SLC25A30: variants seen among roughly 807,000 people sequenced by gnomAD.
SLC25A30 encodes solute carrier family 25 member 30.
Under a neutral mutation model 42.7 loss-of-function variants are expected in SLC25A30, and 29 were observed. The observed-to-expected ratio is 0.68, with a 90% CI of 0.51 to 0.93. SLC25A30 has a LOEUF of 0.93. Ranked by LOEUF, SLC25A30 falls within the 40% of genes least tolerant of loss-of-function variation. The pLI, the probability that SLC25A30 is intolerant of heterozygous loss-of-function variation, is 0.00. For missense variants in SLC25A30, 300 were observed against 359.7 expected (o/e 0.83, Z 1.34); for synonymous variants, 124 against 131.0 (o/e 0.95, Z 0.37).
chr13:45,430,830 T>C, the SLC25A30 span, among the ~76,000 whole-genome samples: 1 of 152,128 alleles, frequency 6.6e-6, no homozygotes, highest in East Asian at 1.9e-4. Flanking sequence ...TTTTTTAAAA[T>C]TTAGTTTTAT....
intron 3 of SLC25A30, 96 bp from the exon 4 acceptor site, chr13:45,406,073 A>G: frequency 9.2e-7 from 1 of 1,088,780 alleles, no homozygotes; most frequent in East Asian, 2.5e-5. Context: ...TAATCAAACT[A>G]CATTCTCTAA....
chr13:45,423,057 C>T (rs1215884363), upstream of SLC25A30, among the ~76,000 whole-genome samples: 2 of 152,062 alleles, frequency 1.3e-5, no homozygotes. Flanking sequence ...AAACAGTAAG[C>T]TCGTTGGGGT....
chr13:45,426,055 T>G, the SLC25A30 span, among the ~76,000 whole-genome samples: 1 of 148,026 alleles, frequency 6.8e-6, no homozygotes, highest in African/African-American at 2.5e-5. Flanking sequence ...ATATATACAT[T>G]TTAAATATAT....
chr13:45,431,984 TC>T, the SLC25A30 span, among the ~76,000 whole-genome samples: 1 of 152,008 alleles, frequency 6.6e-6, no homozygotes, highest in East Asian at 1.9e-4. Flanking sequence ...AAAATACATC[TC>T]AGGGCCGGGT....
At chr13:45,396,059 C>G in intron 9 of SLC25A30, 44 bp from the exon 10 acceptor site, 1 of 1,614,176 alleles carries the variant, frequency 6.2e-7, no homozygotes, top group South Asian at 1.1e-5. Flanking sequence ...GCCATCTTCA[C>G]AACTCCAGTG....
chr13:45,402,367 G>A lies in SLC25A30; in HGVS notation c.397C>T (p.Arg133Trp), dbSNP rs900441795. ...IANPTDVLKI[R>W]MQAQSNTIQG... ...ATGGTGTTGCTTTGCGCTTGCATCC[G>A]AATCTAGAGATTATTTTAAAGACCA... The change falls in exon 6 of 10, where the codon CGG (arginine) becomes TGG (tryptophan). Residue 133 changes from arginine (R) to tryptophan (W), a missense_variant. By Grantham distance (101) the Arg-to-Trp change is moderately radical (BLOSUM62 -3). Transcript: ENST00000519676. 1.5e-5 allele frequency: 24 copies of A among 1,612,708 alleles called. No homozygotes were observed. Among genetic ancestry groups the A allele is most frequent in the Admixed American group, 5.0e-5 (3 of 59,964 alleles).
At chr13:45,415,643 C>T (rs1013210414) in intron 1 of SLC25A30, among the ~76,000 whole-genome samples, 4 of 150,004 alleles carry the variant, frequency 2.7e-5, no homozygotes, top group Non-Finnish European at 5.9e-5. Context: ...CCCAGTTACT[C>T]GGGACGCTGA....
At chr13:45,424,624 T>TAGAA in the SLC25A30 span, among the ~76,000 whole-genome samples, 68 of 74,254 alleles carry the variant, frequency 9.2e-4, 1 homozygote, top group Non-Finnish European at 1.0e-3. Context: ...TATAAATATA[T>TAGAA]ATAAATATGT....
At chr13:45,414,516 C>T (rs753348259) in intron 1 of SLC25A30, among the ~76,000 whole-genome samples, 2 of 151,992 alleles carry the variant, frequency 1.3e-5, no homozygotes, top group African/African-American at 4.8e-5. Context: ...ACTCAGGAGG[C>T]GGAGGCAGAA....
upstream of SLC25A30, among the ~76,000 whole-genome samples, chr13:45,423,396 A>T (rs1171335532): frequency 6.7e-6 from 1 of 149,010 alleles, no homozygotes; most frequent in Non-Finnish European, 1.5e-5. Flanking sequence ...TACTCTCTGC[A>T]TTTACTTATT....
intron 5 of SLC25A30, 33 bp from the exon 6 acceptor site, chr13:45,402,403 G>C (rs1219391756): frequency 6.4e-7 from 1 of 1,559,572 alleles, no homozygotes; most frequent in South Asian, 1.1e-5. Flanking sequence ...ACATCAGAAA[G>C]AAACTACCAC....
At chr13:45,411,511 G>T in intron 1 of SLC25A30, 31 bp from the exon 2 acceptor site, 3 of 1,372,488 alleles carry the variant, frequency 2.2e-6, no homozygotes, top group Non-Finnish European at 3.1e-6. Flanking sequence ...TTATCAAGCT[G>T]TAACTTCTCA....
the SLC25A30 span, among the ~76,000 whole-genome samples, chr13:45,425,229 A>T: frequency 9.6e-6 from 1 of 103,660 alleles, no homozygotes; most frequent in Non-Finnish European, 1.7e-5. Flanking sequence ...TATGTATATA[A>T]ATATTTATAC....
Position 45,402,189 on chromosome 13 carries a change from G to C in SLC25A30, c.489+86C>G, listed in dbSNP as rs973693674. ...CTTCCCTTACTCCATTACGACACTT[G>C]GATTAAAATTAAGTGATAGAACAAG... On this transcript the variant is annotated intron_variant, in intron 6 of 9. Coordinates refer to ENST00000519676, the MANE Select transcript of SLC25A30 (RefSeq NM_001010875.4). 9.9e-6 allele frequency: 10 copies of C among 1,010,638 alleles called. No homozygotes were observed. In the East Asian group the frequency reaches 2.4e-4, roughly 25 times the overall value. The allele number at this position is 1,010,638 out of a possible 1,614,324, so 62.6% of individuals were successfully genotyped here. A position where few individuals can be genotyped will look rare whatever the true frequency, so the allele number is the denominator to read the frequency against.
Position 45,409,017 on chromosome 13 carries a change from T to A in SLC25A30, c.122A>T (p.Asp41Val), listed in dbSNP as rs1882772343. ...GTATCTAATTTCCTTAAATTTTGCA[T>A]CATTCGTCTGGCCTTGAATCTGGAG... ...TRLQIQGQTN[D>V]AKFKEIRYRG... Residue 41 changes from aspartate to valine, a missense_variant, in exon 3 of 10, where the codon GAT becomes GTT. Transcript: ENST00000519676. 1 of 1,613,462 alleles carries A rather than the reference T, an allele frequency of 6.2e-7. No homozygotes were observed. Among genetic ancestry groups the A allele is most frequent in the South Asian group, 1.1e-5 (1 of 90,950 alleles).
chr13:45,418,521 C>A (rs1425647525), upstream of SLC25A30: 1 of 152,612 alleles, frequency 6.6e-6, no homozygotes, highest in Non-Finnish European at 1.5e-5. Flanking sequence ...CAGATGGGGA[C>A]ACGGAGGGGC....
At chr13:45,424,620 T>A in the SLC25A30 span, among the ~76,000 whole-genome samples, 42 of 61,090 alleles carry the variant, frequency 6.9e-4, no homozygotes, top group Non-Finnish European at 8.6e-4. Flanking sequence ...TATATATAAA[T>A]ATATATAAAT....
chr13:45,413,946 G>A (rs533231317), intron 1 of SLC25A30, among the ~76,000 whole-genome samples: 1 of 152,310 alleles, frequency 6.6e-6, no homozygotes, highest in East Asian at 1.9e-4. Context: ...CAGAGGCTCT[G>A]GGTTAATACT....
At chr13:45,423,588 T>TAAATATATATATATATAAATATATATA in the SLC25A30 span, among the ~76,000 whole-genome samples, 2 of 55,408 alleles carry the variant, frequency 3.6e-5, 1 homozygote, top group Non-Finnish European at 8.0e-5. Flanking sequence ...AAAATATATA[T>TAAATATATATATATATAAATATATATA]AAATATATAT....
Sources: gnomAD v4.1 joint callset for allele counts (sites outside exome capture counted in the v4.1 genomes callset) on GRCh38, gnomAD v4.1.1 for gene constraint, MANE v1.5 for transcripts, NCBI Gene and HGNC (gene_info 2026-07-23, HGNC 2026-07-21) for gene names.